KAZN: variants seen among roughly 807,000 people sequenced by gnomAD.
KAZN encodes kazrin.
Under a neutral mutation model 87.4 loss-of-function variants are expected in KAZN, and 40 were observed. That is an observed-to-expected ratio of 0.46 (90% CI 0.36 to 0.60). The LOEUF is 0.60. KAZN is among the 20% of genes least tolerant of loss of function. KAZN has a pLI of 0.00. For missense variants in KAZN, 898 were observed against 1,073.9 expected, an observed-to-expected ratio of 0.84 and a Z score of 2.29; for synonymous variants, 466 against 458.3, an observed-to-expected ratio of 1.02 and a Z score of -0.22.
At chr1:15,045,674 C>A (rs1486609517) in intron 4 of KAZN, among the ~76,000 whole-genome samples, 1 of 152,202 alleles carries the variant, frequency 6.6e-6, no homozygotes, top group Non-Finnish European at 1.5e-5. Context: ...GTTTAATTGA[C>A]TCACAGTTCC....
intron 2 of KAZN, among the ~76,000 whole-genome samples, chr1:14,526,266 A>G (rs554574858): frequency 1.6e-4 from 24 of 152,274 alleles, no homozygotes; most frequent in African/African-American, 5.1e-4. Context: ...AGATGTGCCA[A>G]TCATTTCCCA....
At chr1:14,967,442 GT>G (rs1396099129) in intron 2 of KAZN, among the ~76,000 whole-genome samples, 3 of 152,300 alleles carry the variant, frequency 2.0e-5, no homozygotes, top group Middle Eastern at 3.4e-3. Context: ...CTCAGGGCCT[GT>G]TTTTGGCAGA....
chr1:14,521,182 C>T (rs1454331165), intron 2 of KAZN, among the ~76,000 whole-genome samples: 2 of 152,154 alleles, frequency 1.3e-5, no homozygotes, highest in African/African-American at 2.4e-5. Context: ...AAAGATCAGG[C>T]TTGGGGGCAG....
At chr1:14,233,404 G>A (rs1648057434) in intron 2 of KAZN, among the ~76,000 whole-genome samples, 1 of 152,088 alleles carries the variant, frequency 6.6e-6, no homozygotes, top group South Asian at 2.1e-4. Flanking sequence ...CAAAGCGCTG[G>A]GATTGCAGGT....
intron 3 of KAZN, among the ~76,000 whole-genome samples, chr1:15,035,536 C>T (rs1383013794): frequency 6.6e-6 from 1 of 152,068 alleles, no homozygotes; most frequent in African/African-American, 2.4e-5. Context: ...CCAAAGAGGA[C>T]ACCAAAACTT....
At chr1:14,759,535 C>A (rs1327062623) in intron 1 of KAZN, among the ~76,000 whole-genome samples, 8 of 152,108 alleles carry the variant, frequency 5.3e-5, no homozygotes, top group African/African-American at 1.9e-4. Context: ...TTTTATAACC[C>A]TCATTTGTTT....
At chr1:14,559,399 A>T (rs1165114675) in intron 2 of KAZN, among the ~76,000 whole-genome samples, 1 of 152,202 alleles carries the variant, frequency 6.6e-6, no homozygotes, top group Non-Finnish European at 1.5e-5. Context: ...TGGGTCTCAC[A>T]GTCTATGCTT....
At chr1:14,456,738 T>C (rs1667586908) in intron 2 of KAZN, among the ~76,000 whole-genome samples, 1 of 152,190 alleles carries the variant, frequency 6.6e-6, no homozygotes. Flanking sequence ...TAGGGGTATG[T>C]TAAAATTTTT....
At chr1:14,973,232 C>G (rs1184770239) in intron 2 of KAZN, among the ~76,000 whole-genome samples, 1 of 152,232 alleles carries the variant, frequency 6.6e-6, no homozygotes, top group Non-Finnish European at 1.5e-5. Flanking sequence ...ATTCATTCAG[C>G]AGATACTTGT....
At chr1:14,636,137 C>G (rs1679967995) in intron 1 of KAZN, among the ~76,000 whole-genome samples, 1 of 152,146 alleles carries the variant, frequency 6.6e-6, no homozygotes, top group Non-Finnish European at 1.5e-5. Context: ...GGCTTGGCCA[C>G]CAGAACAACT....
chr1:14,660,916 C>G (rs765127232), intron 1 of KAZN, among the ~76,000 whole-genome samples: 26 of 152,096 alleles, frequency 1.7e-4, no homozygotes, highest in Non-Finnish European at 2.8e-4. Context: ...TCTAATGGGC[C>G]CGTTCACCAG....
At chr1:14,804,833 C>T (rs1036271090) in intron 1 of KAZN, among the ~76,000 whole-genome samples, 5 of 152,074 alleles carry the variant, frequency 3.3e-5, no homozygotes, top group East Asian at 1.9e-4. Context: ...CTCAGCTCCA[C>T]GGCTCCCTCT....
intron 1 of KAZN, among the ~76,000 whole-genome samples, chr1:14,807,445 C>T (rs1372000413): frequency 6.6e-6 from 1 of 152,118 alleles, no homozygotes; most frequent in African/African-American, 2.4e-5. Flanking sequence ...CAACATGATG[C>T]TAGGCCAAAA....
intron 1 of KAZN, among the ~76,000 whole-genome samples, chr1:14,012,073 C>G (rs1640339759): frequency 1.3e-5 from 2 of 152,164 alleles, no homozygotes; most frequent in South Asian, 4.1e-4. Context: ...TCTCCACACC[C>G]TACTCTTGCC....
chr1:14,319,410 A>T (rs1655893972), intron 2 of KAZN, among the ~76,000 whole-genome samples: 1 of 152,058 alleles, frequency 6.6e-6, no homozygotes, highest in Admixed American at 6.6e-5. Flanking sequence ...GCTCACAGGT[A>T]GATGTTTGCC....
chr1:14,218,554 A>G (rs753776143), intron 2 of KAZN, among the ~76,000 whole-genome samples: 40 of 152,186 alleles, frequency 2.6e-4, no homozygotes, highest in Non-Finnish European at 4.9e-4. Flanking sequence ...CAAAAGGACA[A>G]AGGAACTAAT....
chr1:14,523,088 T>C (rs1295513784), intron 2 of KAZN, among the ~76,000 whole-genome samples: 1 of 152,120 alleles, frequency 6.6e-6, no homozygotes, highest in Non-Finnish European at 1.5e-5. Flanking sequence ...TCCCTCCAGG[T>C]TGAGGCTGCG....
At chr1:14,114,205 C>A (rs922934498) in intron 1 of KAZN, among the ~76,000 whole-genome samples, 2 of 152,130 alleles carry the variant, frequency 1.3e-5, no homozygotes, top group African/African-American at 4.8e-5. Context: ...CAGCAGCAGA[C>A]GGCCCCATTA....
intron 1 of KAZN, among the ~76,000 whole-genome samples, chr1:14,077,784 A>G (rs1643518016): frequency 6.6e-6 from 1 of 152,162 alleles, no homozygotes; most frequent in Non-Finnish European, 1.5e-5. Context: ...GTGGGGGGAT[A>G]TGGCTGGAGT....
Sources: allele counts gnomAD v4.1 joint callset (sites outside exome capture counted in the v4.1 genomes callset), GRCh38; gene constraint gnomAD v4.1.1; transcripts MANE v1.5; gene names NCBI Gene and HGNC (gene_info 2026-07-23, HGNC 2026-07-21).